Variants in SPRY3 observed in about 807,000 individuals in gnomAD.
The protein encoded by SPRY3 is protein sprouty homolog 3.
Under a neutral mutation model 20.2 loss-of-function variants are expected in SPRY3, and 15 were observed. The observed-to-expected ratio is 0.74, with a 90% CI of 0.50 to 1.14. SPRY3 has a LOEUF of 1.14. SPRY3 is among the 50% of genes most tolerant of loss of function. The pLI, the probability that SPRY3 is intolerant of heterozygous loss-of-function variation, is 0.00. For synonymous variants in SPRY3, 143 were observed against 136.5 expected, an observed-to-expected ratio of 1.05 and a Z score of -0.33; for missense variants, 364 against 363.9, an observed-to-expected ratio of 1.00 and a Z score of 0.00.
chrX:155,730,799 A>G (rs189918233), intron 2 of SPRY3, among the ~76,000 whole-genome samples: 1 of 152,232 alleles, frequency 6.6e-6, no homozygotes, highest in East Asian at 1.9e-4. Flanking sequence ...GAACTGATCA[A>G]ACAAATTCAG....
Position 155,645,665 on chromosome X carries a change from T to A in SPRY3, c.-440-11202T>A, listed in dbSNP as rs781965711. On this transcript the variant is annotated intron_variant, in intron 1 of 3. Transcript: ENST00000675360. Reference sequence around the variant, plus strand: ...TTTCTTCTCCCAAATGCACAGATTCTCTCTCTGCACCACATGGCCACTGCC... The same window carrying A: ...TTTCTTCTCCCAAATGCACAGATTCACTCTCTGCACCACATGGCCACTGCC... Among the ~76,000 whole-genome samples the A allele has an allele frequency of 1.1e-4, 12 of 112,433 alleles. No homozygotes were observed. The South Asian group carries it at 3.4e-3, about 31-fold the overall frequency.
intron 2 of SPRY3, among the ~76,000 whole-genome samples, chrX:155,728,776 C>T (rs1334774256): frequency 2.0e-5 from 3 of 152,136 alleles, no homozygotes; most frequent in Non-Finnish European, 2.9e-5. Context: ...CCAGGTGAGG[C>T]GACACCCTGC....
chrX:155,738,894 G>T (rs771133924), intron 2 of SPRY3, among the ~76,000 whole-genome samples: 16 of 152,318 alleles, frequency 1.1e-4, no homozygotes, highest in African/African-American at 3.8e-4. Flanking sequence ...CTAGGAAGGG[G>T]GCTGAATAAA....
At chrX:155,728,217 A>G (rs1005051702) in intron 2 of SPRY3, among the ~76,000 whole-genome samples, 4 of 152,100 alleles carry the variant, frequency 2.6e-5, no homozygotes, top group Admixed American at 2.6e-4. Flanking sequence ...TGCCTGTATG[A>G]AGTGTCTGTC....
intron 2 of SPRY3, among the ~76,000 whole-genome samples, chrX:155,763,128 C>CT (rs1319285587): frequency 7.2e-5 from 11 of 152,014 alleles, no homozygotes; most frequent in Non-Finnish European, 1.5e-4. Flanking sequence ...AAAAAAACCC[C>CT]TCATGTTCTC....
intron 1 of SPRY3, among the ~76,000 whole-genome samples, chrX:155,624,517 C>CATCTATCTATCTATCT (rs141240143): frequency 5.9e-5 from 6 of 102,294 alleles, no homozygotes; most frequent in South Asian, 4.6e-4. Context: ...ATTTATCTAT[C>CATCTATCTATCTATCT]ATCTATCTAT....
intron 2 of SPRY3, among the ~76,000 whole-genome samples, chrX:155,667,979 A>C (rs948667727): frequency 9.2e-6 from 1 of 109,286 alleles, no homozygotes; most frequent in Non-Finnish European, 1.9e-5. Flanking sequence ...AAGGTTGTTG[A>C]ACATTTGGAA....
chrX:155,758,596 T>A (rs1265164521), intron 2 of SPRY3, among the ~76,000 whole-genome samples: 1 of 152,216 alleles, frequency 6.6e-6, no homozygotes, highest in Non-Finnish European at 1.5e-5. Flanking sequence ...CTGACTTCAA[T>A]AGAATATGGA....
Position 155,690,679 on chromosome X carries a change from C to G in SPRY3, c.-282+33654C>G, listed in dbSNP as rs2068100143. Among the ~76,000 whole-genome samples, 2 of 86,683 alleles carry G rather than the reference C, an allele frequency of 2.3e-5. 1 individual carries two copies. The highest frequency in any genetic ancestry group is 1.1e-4 in the African/African-American group (2 of 17,828). The allele number at this position is 86,683 out of a possible 115,157, so 75.3% of individuals were successfully genotyped here. ...ATATATTCACCCAATACAGGAGCAC[C>G]CAGATTCATAAAGCAGGTTCTTAGA... On this transcript the variant is annotated intron_variant, in intron 2 of 3. Transcript: ENST00000675360.
At chrX:155,728,909 G>A (rs2091116329) in intron 2 of SPRY3, among the ~76,000 whole-genome samples, 2 of 152,054 alleles carry the variant, frequency 1.3e-5, no homozygotes, top group Admixed American at 1.3e-4. Context: ...CAAAAAATTA[G>A]CAGAAGTAGC....
intron 2 of SPRY3, among the ~76,000 whole-genome samples, chrX:155,672,191 T>C (rs1557354821): frequency 9.0e-6 from 1 of 111,221 alleles, no homozygotes; most frequent in East Asian, 2.8e-4. Context: ...AAGAAAGTCA[T>C]TGGTAGCTTG....
chrX:155,700,623 T>G (rs1438030455), intron 2 of SPRY3, among the ~76,000 whole-genome samples: 2 of 84,771 alleles, frequency 2.4e-5, no homozygotes, highest in African/African-American at 1.2e-4. Context: ...GTTCTTTTTT[T>G]TTTTTTTTTT....
At chrX:155,728,538 A>G (rs543687341) in intron 2 of SPRY3, among the ~76,000 whole-genome samples, 1 of 152,206 alleles carries the variant, frequency 6.6e-6, no homozygotes, top group Non-Finnish European at 1.5e-5. Flanking sequence ...CTCCCCCTCC[A>G]GGCTGCAGCC....
chrX:155,728,821 C>G (rs1248244103), intron 2 of SPRY3, among the ~76,000 whole-genome samples: 6 of 152,220 alleles, frequency 3.9e-5, no homozygotes, highest in African/African-American at 9.6e-5. Flanking sequence ...GCTGGACCCA[C>G]TGAAACACTT....
chrX:155,614,886 A>G (rs2067845876), intron 1 of SPRY3, among the ~76,000 whole-genome samples: 1 of 111,691 alleles, frequency 9.0e-6, no homozygotes, highest in Non-Finnish European at 1.9e-5. Context: ...CAAAATAGAA[A>G]AAAACAATAG....
At chrX:155,698,431 C>T (rs1377083136) in intron 2 of SPRY3, among the ~76,000 whole-genome samples, 1 of 111,846 alleles carries the variant, frequency 8.9e-6, no homozygotes, top group African/African-American at 3.2e-5. Flanking sequence ...TCCTTCTTTG[C>T]TGTATAAACT....
At chrX:155,733,418 T>C (rs2091147712) in intron 2 of SPRY3, among the ~76,000 whole-genome samples, 2 of 151,074 alleles carry the variant, frequency 1.3e-5, no homozygotes, top group South Asian at 4.2e-4. Flanking sequence ...GCTGAAGATA[T>C]ATATATATAC....
chrX:155,664,267 A>T (rs1048283594), intron 2 of SPRY3, among the ~76,000 whole-genome samples: 2 of 111,085 alleles, frequency 1.8e-5, no homozygotes, highest in Non-Finnish European at 3.8e-5. Context: ...AACATAAATG[A>T]TTATTCTCAA....
At chrX:155,672,344 CA>C (rs2068043501) in intron 2 of SPRY3, among the ~76,000 whole-genome samples, 1 of 109,578 alleles carries the variant, frequency 9.1e-6, no homozygotes, top group Non-Finnish European at 1.9e-5. Flanking sequence ...CCAGAATCTA[CA>C]ATGAACTCAA....
Sources: allele counts gnomAD v4.1 joint callset (sites outside exome capture counted in the v4.1 genomes callset), GRCh38; gene constraint gnomAD v4.1.1; transcripts MANE v1.5; gene names NCBI Gene and HGNC (gene_info 2026-07-23, HGNC 2026-07-21).